Variants in GOLGA6L9 observed in about 807,000 individuals in gnomAD.
GOLGA6L9 encodes golgin subfamily A member 6-like protein 9.
GOLGA6L9 carries 19 observed loss-of-function variants against 51.3 expected under a neutral mutation model. The observed-to-expected ratio is 0.37, with a 90% confidence interval of 0.26 to 0.54. The LOEUF (loss-of-function observed/expected upper bound fraction) is 0.54, where lower values mean the gene tolerates loss of function less well. Ranked by LOEUF, GOLGA6L9 falls within the 20% of genes least tolerant of loss-of-function variation. GOLGA6L9 has a pLI of 0.83. For synonymous variants in GOLGA6L9, 97 were observed against 184.2 expected, an observed-to-expected ratio of 0.53 and a Z score of 3.83; for missense variants, 247 against 464.1, an observed-to-expected ratio of 0.53 and a Z score of 4.30.
At chr15:82,433,144 G>A (rs1332605147) in intron 4 of GOLGA6L9, among the ~76,000 whole-genome samples, 3 of 151,124 alleles carry the variant, frequency 2.0e-5, no homozygotes, top group Non-Finnish European at 4.4e-5. Context: ...CATGCCCTGG[G>A]GTTGTCACCT....
the GOLGA6L9 span, among the ~76,000 whole-genome samples, chr15:82,417,143 A>G: frequency 6.6e-6 from 1 of 152,252 alleles, no homozygotes; most frequent in Admixed American, 6.5e-5. Flanking sequence ...TGAAGTGATT[A>G]TAAAGCAAAT....
Position 82,429,985 on chromosome 15 carries a change from C to G in GOLGA6L9, c.-95C>G. ...TAAGGCCACGCCCCTATTCTGCGTT[C>G]CATTGGTGCCCTGGTTACGCCACCT... is the stretch of plus-strand genomic sequence containing the variant. On this transcript the variant is annotated 5_prime_UTR_variant, in exon 1 of 9. Transcript: ENST00000618348. 2.2e-6 allele frequency: 2 copies of G among 898,588 alleles called. No individual in the cohort carries two copies. Among genetic ancestry groups the G allele is most frequent in the Non-Finnish European group, 3.7e-6 (2 of 535,242 alleles). 55.7% of individuals were successfully genotyped at this position (898,588 alleles called of 1,614,324 possible). A position where few individuals can be genotyped will look rare whatever the true frequency, so the allele number is the denominator to read the frequency against.
rs1298251361 is a variant in GOLGA6L9, at chr15:82,434,471, G to C, written c.871G>C (p.Asp291His). Residue 291 changes from aspartate to histidine, a missense_variant, in exon 6 of 9, where the codon GAT becomes CAT. Physicochemically the swap from Asp to His is moderately conservative, Grantham distance 81 (BLOSUM62 -1). Coordinates refer to ENST00000618348, the MANE Select transcript of GOLGA6L9 (RefSeq NM_198181.4). ...LLEQERLRQQ[D>H]ERLWQQETLR... ...GGAGCAGGAGAGGCTTCGGCAACAG[G>C]ATGAGAGGCTGTGGCAGCAGGAGAC... 1 of 1,555,632 alleles carries C rather than the reference G, an allele frequency of 6.4e-7. No homozygotes were observed. The highest frequency in any genetic ancestry group is 1.4e-5 in the African/African-American group (1 of 73,950).
In GOLGA6L9 at chr15:82,436,333, G is replaced by A. The variant is rs1468570909; in HGVS notation, c.1221G>A (p.Ala407=). Residue 407 remains alanine, a synonymous_variant, in exon 9 of 9, where the codon GCG becomes GCA. Coordinates refer to ENST00000618348, the MANE Select transcript of GOLGA6L9 (RefSeq NM_198181.4). The part of the protein sequence containing the change: ...LSGEAVGTGE[A]AGGAGEAACH... ...GAGAAGCTGTTGGTACAGGAGAGGC[G>A]GCAGGAGGAGCAGGAGAGGCTGCAT... 1.9e-5 allele frequency: 31 copies of A among 1,592,364 alleles called. 1 individual carries two copies. In the East Asian group the frequency reaches 2.0e-4, roughly 10 times the overall value.
At chr15:82,432,769 C>T (rs2031463508) in intron 3 of GOLGA6L9, 48 bp from the exon 4 acceptor site, 2 of 1,527,194 alleles carry the variant, frequency 1.3e-6, no homozygotes, top group South Asian at 1.2e-5. Flanking sequence ...TTCTCTCTAC[C>T]CCTCCCCACA....
chr15:82,426,200 C>G (rs1324059117), upstream of GOLGA6L9, among the ~76,000 whole-genome samples: 1 of 40,866 alleles, frequency 2.4e-5, no homozygotes, highest in Non-Finnish European at 4.3e-5. Flanking sequence ...TCAGCCTTTC[C>G]TTTGTCTTTT....
At chr15:82,418,800 C>T in the GOLGA6L9 span, 7 of 152,176 alleles carry the variant, frequency 4.6e-5, no homozygotes, top group Middle Eastern at 3.2e-3. Flanking sequence ...AGGGTAAGAT[C>T]GGTGCCATTG....
intron 4 of GOLGA6L9, among the ~76,000 whole-genome samples, chr15:82,433,239 C>G (rs2031491235): frequency 6.6e-6 from 1 of 151,794 alleles, no homozygotes; most frequent in Admixed American, 6.6e-5. Flanking sequence ...TGAGTCTGGA[C>G]AAGCCATCTC....
In GOLGA6L9 at chr15:82,437,971, C is replaced by T. The variant is rs2031766478; in HGVS notation, c.*1560C>T. The T allele has an allele frequency of 6.6e-6, 1 of 151,174 alleles. No individual in the cohort carries two copies. Among genetic ancestry groups the T allele is most frequent in the East Asian group, 1.9e-4 (1 of 5,192 alleles). The allele number at this position is 151,174 out of a possible 1,614,324, so 9.4% of individuals were successfully genotyped here. A position where few individuals can be genotyped will look rare whatever the true frequency, so the allele number is the denominator to read the frequency against. On this transcript the variant is annotated 3_prime_UTR_variant, in exon 9 of 9. Coordinates refer to ENST00000618348, the MANE Select transcript of GOLGA6L9 (RefSeq NM_198181.4). ...TGTAATATTTATGGCTTAAAATGGA[C>T]TAAAGGTCCTGTTCTTGCCTTGTCT...
the GOLGA6L9 span, among the ~76,000 whole-genome samples, chr15:82,417,485 G>A: frequency 6.6e-6 from 1 of 152,146 alleles, no homozygotes; most frequent in Admixed American, 6.5e-5. Context: ...ATGTAGTGAA[G>A]GTACTAGAAC....
the GOLGA6L9 span, among the ~76,000 whole-genome samples, chr15:82,417,168 A>T: frequency 4.6e-5 from 7 of 152,254 alleles, no homozygotes; most frequent in African/African-American, 9.6e-5. Context: ...GAAGAGGCCA[A>T]GCTTAGGATA....
intron 7 of GOLGA6L9, chr15:82,435,414 G>A (rs1285155822): frequency 1.9e-5 from 5 of 268,804 alleles, no homozygotes; most frequent in African/African-American, 7.2e-5. Flanking sequence ...GCTGAGACAC[G>A]AGAATCACTT....
At chr15:82,424,504 G>T in the GOLGA6L9 span, among the ~76,000 whole-genome samples, 1 of 152,346 alleles carries the variant, frequency 6.6e-6, no homozygotes, top group East Asian at 1.9e-4. Flanking sequence ...ACCAAACACT[G>T]CTAGATTAAA....
Position 82,437,013 on chromosome 15 carries a change from T to C in GOLGA6L9, c.*602T>C, listed in dbSNP as rs1191179024. 6.4e-6 allele frequency: 1 copy of C among 156,288 alleles called. No individual in the cohort carries two copies. The highest frequency in any genetic ancestry group is 1.4e-5 in the Non-Finnish European group (1 of 71,076). The allele number at this position is 156,288 out of a possible 1,614,324, so 9.7% of individuals were successfully genotyped here. ...AGCCTTTCCCCCTTTTTCTGTGTAT[T>C]GGGGATGGGAGTAATAACATTTTGG... On this transcript the variant is annotated 3_prime_UTR_variant, in exon 9 of 9. Coordinates refer to ENST00000618348, the MANE Select transcript of GOLGA6L9 (RefSeq NM_198181.4).
chr15:82,429,702 C>T (rs2031334376), upstream of GOLGA6L9, among the ~76,000 whole-genome samples: 1 of 152,144 alleles, frequency 6.6e-6, no homozygotes, highest in Admixed American at 6.6e-5. Context: ...CACATAGATA[C>T]ACACAGACAC....
Position 82,436,973 on chromosome 15 carries a change from T to C in GOLGA6L9, c.*562T>C, listed in dbSNP as rs1277366327. The C allele has an allele frequency of 1.3e-5, 2 of 158,660 alleles. No homozygotes were observed. The highest frequency in any genetic ancestry group is 2.8e-5 in the Non-Finnish European group (2 of 72,444). The allele number at this position is 158,660 out of a possible 1,614,324, so 9.8% of individuals were successfully genotyped here. A position where few individuals can be genotyped will look rare whatever the true frequency, so the allele number is the denominator to read the frequency against. ...GCTCTTCATTAGCTCAATATGTGGT[T>C]TGCCCTCTGGAAACAGCCTTTCCCC... On this transcript the variant is annotated 3_prime_UTR_variant, in exon 9 of 9. Coordinates refer to ENST00000618348, the MANE Select transcript of GOLGA6L9 (RefSeq NM_198181.4).
chr15:82,434,548 G>T lies in GOLGA6L9; in HGVS notation c.948G>T (p.Gly316=). ...LRELERMLEL[G]WEALYEQRAE... Reference sequence around the variant, plus strand: ...AGCTGGAGAGGATGCTGGAGCTGGGGTGGGAAGCCCTGTACGAGCAGCGGG... The same window carrying T: ...AGCTGGAGAGGATGCTGGAGCTGGGTTGGGAAGCCCTGTACGAGCAGCGGG... Residue 316 remains glycine, a synonymous_variant, in exon 6 of 9, where the codon GGG becomes GGT. Coordinates refer to ENST00000618348, the MANE Select transcript of GOLGA6L9 (RefSeq NM_198181.4). 3.2e-6 allele frequency: 5 copies of T among 1,558,734 alleles called. No individual in the cohort carries two copies. In the South Asian group the frequency reaches 4.6e-5, roughly 14 times the overall value.
the GOLGA6L9 span, chr15:82,416,058 A>G: frequency 6.6e-6 from 1 of 152,234 alleles, no homozygotes; most frequent in Non-Finnish European, 1.5e-5. Context: ...AGCTGCAAAG[A>G]GTTGCTCTTC....
the GOLGA6L9 span, among the ~76,000 whole-genome samples, chr15:82,420,249 TACTA>T: frequency 2.0e-5 from 3 of 152,326 alleles, no homozygotes; most frequent in African/African-American, 4.8e-5. Context: ...AAATTAAAGT[TACTA>T]ACTGATAATC....
Sources: allele counts gnomAD v4.1 joint callset (sites outside exome capture counted in the v4.1 genomes callset), GRCh38; gene constraint gnomAD v4.1.1; transcripts MANE v1.5; gene names NCBI Gene and HGNC (gene_info 2026-07-23, HGNC 2026-07-21).